The following WDR72 variants were observed in gnomAD, a reference collection of about 807,000 sequenced individuals.
WDR72 encodes the protein WD repeat domain 72, also known as WD repeat-containing protein 72.
In WDR72, 120 loss-of-function variants were observed where a neutral mutation model predicts 124.2. That is an observed-to-expected ratio of 0.97 (90% CI 0.83 to 1.12). The LOEUF is 1.12. Ranked by LOEUF, WDR72 falls within the 50% of genes most tolerant of loss-of-function variation. The probability of loss-of-function intolerance (pLI) is 0.00; values close to 1 mark genes in which losing one functional copy is unlikely to be tolerated. For synonymous variants in WDR72, 452 were observed against 441.7 expected, an observed-to-expected ratio of 1.02 and a Z score of -0.29; for missense variants, 1,387 against 1,278.8, an observed-to-expected ratio of 1.08 and a Z score of -1.29.
chr15:53,693,471 G>A (rs2016906635), intron 13 of WDR72, among the ~76,000 whole-genome samples: 1 of 152,104 alleles, frequency 6.6e-6, no homozygotes, highest in Non-Finnish European at 1.5e-5. Context: ...ATTAAACACT[G>A]AATATTTTTG....
rs547426162 is a variant in WDR72 at position 53,514,666 on chromosome 15, A to C, written c.*3033T>G. On this transcript the variant is annotated 3_prime_UTR_variant, in exon 20 of 20. Coordinates refer to ENST00000360509, the MANE Select transcript of WDR72 (RefSeq NM_182758.4). ...GCCTTAATTTAGTTTCTAAAATAGT[A>C]ACAGAATGTTTGATACCTGGGGCTA... 3.9e-5 allele frequency: 6 copies of C among 152,232 alleles called. 1 individual carries two copies. Among genetic ancestry groups the C allele is most frequent in the African/African-American group, 1.4e-4 (6 of 41,534 alleles). The allele number at this position is 152,232 out of a possible 1,614,324, so 9.4% of individuals were successfully genotyped here.
At chr15:53,667,678 G>A (rs184582267) in intron 13 of WDR72, among the ~76,000 whole-genome samples, 1 of 151,976 alleles carries the variant, frequency 6.6e-6, no homozygotes, top group Admixed American at 6.6e-5. Context: ...CTTTGAATAC[G>A]GTATCATCCT....
At chr15:53,641,283 C>G (rs2014839373) in intron 14 of WDR72, among the ~76,000 whole-genome samples, 1 of 151,788 alleles carries the variant, frequency 6.6e-6, no homozygotes, top group Non-Finnish European at 1.5e-5. Context: ...CCTGGACCAT[C>G]TTTTTTTTCC....
At chr15:53,681,959 T>C (rs2016403604) in intron 13 of WDR72, among the ~76,000 whole-genome samples, 1 of 152,194 alleles carries the variant, frequency 6.6e-6, no homozygotes. Flanking sequence ...AATGTTTATA[T>C]AAAGTATAAT....
rs113567186 is a variant in WDR72, at chr15:53,517,238, C to G, written c.*461G>C. ...TATCCACTAAAACAAAATATCCTAA[C>G]CAGACAAATCAAAGTTGGTAAAATT... On this transcript the variant is annotated 3_prime_UTR_variant, in exon 20 of 20. Transcript: ENST00000360509. 315 of 167,014 alleles carry G rather than the reference C, an allele frequency of 1.9e-3. 4 individuals carry two copies. Among genetic ancestry groups the G allele is most frequent in the African/African-American group, 7.1e-3 (297 of 41,622 alleles). The allele number at this position is 167,014 out of a possible 1,614,324, so 10.3% of individuals were successfully genotyped here. A position where few individuals can be genotyped will look rare whatever the true frequency, so the allele number is the denominator to read the frequency against.
intron 18 of WDR72, among the ~76,000 whole-genome samples, chr15:53,530,899 T>C (rs373983054): frequency 6.6e-6 from 1 of 152,054 alleles, no homozygotes; most frequent in African/African-American, 2.4e-5. Context: ...TTCCACAGAC[T>C]GAAGCTAAGA....
chr15:53,563,539 G>A (rs112453672), intron 18 of WDR72, among the ~76,000 whole-genome samples: 4,596 of 151,798 alleles, frequency 0.03, 121 homozygotes, highest in Non-Finnish European at 0.047. Context: ...GGGGTTTGTT[G>A]TACATATTAT....
chr15:53,597,043 C>G (rs949405085), intron 18 of WDR72, 36 bp downstream of exon 18: 9 of 1,602,998 alleles, frequency 5.6e-6, no homozygotes, highest in Non-Finnish European at 7.7e-6. Context: ...TAGAAAAGTT[C>G]TGTTGAAAGA....
At chr15:53,602,759 C>T (rs1018606382) in intron 17 of WDR72, among the ~76,000 whole-genome samples, 2 of 151,968 alleles carry the variant, frequency 1.3e-5, no homozygotes, top group African/African-American at 4.8e-5. Flanking sequence ...TTCCTGGACA[C>T]ATGCACCCTC....
intron 13 of WDR72, among the ~76,000 whole-genome samples, chr15:53,685,749 C>T (rs1050495282): frequency 6.6e-6 from 1 of 150,528 alleles, no homozygotes; most frequent in Non-Finnish European, 1.5e-5. Flanking sequence ...AACTCCAAGA[C>T]ACATAATTGT....
intron 18 of WDR72, among the ~76,000 whole-genome samples, chr15:53,538,454 A>G: frequency 6.6e-6 from 1 of 152,150 alleles, no homozygotes; most frequent in Admixed American, 6.6e-5. Flanking sequence ...ACATTAGTGG[A>G]GGAGGTCATT....
chr15:53,540,946 A>G (rs531649369), intron 18 of WDR72: 16 of 156,864 alleles, frequency 1.0e-4, no homozygotes, highest in Non-Finnish European at 1.5e-4. Context: ...GGCTTAAAAA[A>G]CGGCGCACCA....
intron 18 of WDR72, among the ~76,000 whole-genome samples, chr15:53,575,843 C>A (rs1894734550): frequency 6.6e-6 from 1 of 152,066 alleles, no homozygotes; most frequent in Non-Finnish European, 1.5e-5. Flanking sequence ...AATTGCTAAT[C>A]CAAGTCTATG....
At chr15:53,568,694 C>T (rs1346065678) in intron 18 of WDR72, among the ~76,000 whole-genome samples, 5 of 151,918 alleles carry the variant, frequency 3.3e-5, no homozygotes, top group Admixed American at 3.3e-4. Flanking sequence ...TGAAAAGTTC[C>T]TCATCAATTC....
intron 18 of WDR72, among the ~76,000 whole-genome samples, chr15:53,569,479 A>T (rs1894427872): frequency 6.6e-6 from 1 of 152,220 alleles, no homozygotes; most frequent in South Asian, 2.1e-4. Flanking sequence ...GCTAAAATAC[A>T]GTATTGAATA....
At chr15:53,711,867 A>G (rs2017549334) in intron 7 of WDR72, among the ~76,000 whole-genome samples, 1 of 152,218 alleles carries the variant, frequency 6.6e-6, no homozygotes. Context: ...ATCTTTGTTC[A>G]AAAATACATT....
At chr15:53,714,401 G>C (rs201839735) in intron 6 of WDR72, 33 bp downstream of exon 6, 1 of 1,543,104 alleles carries the variant, frequency 6.5e-7, no homozygotes, top group African/African-American at 1.4e-5. Context: ...GCTTGAAATT[G>C]TAAGGAAAAA....
chr15:53,517,426 A>ATTAACAGAAAAAGTAAG lies in WDR72; in HGVS notation c.*256_*272dup. ...TGGACTGGCATTCCCTGTTGGAAAT[A>ATTAACAGAAAAAGTAAG]TTAACAGAAAAAGTAAGAAACAGGA... On this transcript the variant is annotated 3_prime_UTR_variant, in exon 20 of 20. Transcript: ENST00000360509. The ATTAACAGAAAAAGTAAG allele has an allele frequency of 2.4e-6, 1 of 414,864 alleles. No homozygotes were observed. Among genetic ancestry groups the ATTAACAGAAAAAGTAAG allele is most frequent in the Non-Finnish European group, 4.5e-6 (1 of 223,874 alleles). 25.7% of individuals were successfully genotyped at this position (414,864 alleles called of 1,614,324 possible).
chr15:53,622,820 G>A (rs1009394190), intron 14 of WDR72, among the ~76,000 whole-genome samples: 5 of 151,716 alleles, frequency 3.3e-5, no homozygotes, highest in Non-Finnish European at 7.4e-5. Context: ...GGCCCTAGGG[G>A]AAAAAAGAAA....
Sources: allele counts gnomAD v4.1 joint callset (sites outside exome capture counted in the v4.1 genomes callset), GRCh38; gene constraint gnomAD v4.1.1; transcripts MANE v1.5; gene names NCBI Gene and HGNC (gene_info 2026-07-23, HGNC 2026-07-21).